Variants in PCDHA10 observed in about 807,000 individuals in gnomAD.
The protein encoded by PCDHA10 is protocadherin alpha 10.
A neutral mutation model predicts 61.2 loss-of-function variants in PCDHA10; 45 were observed. The ratio of observed to expected loss-of-function variants is 0.74; its 90% CI spans 0.58 to 0.94. The LOEUF (loss-of-function observed/expected upper bound fraction) is 0.94. Ranked by LOEUF, PCDHA10 falls within the 40% of genes least tolerant of loss-of-function variation. PCDHA10 has a pLI of 0.00. For missense variants in PCDHA10, 1,278 were observed against 1,236.2 expected, an observed-to-expected ratio of 1.03 and a Z score of -0.51; for synonymous variants, 602 against 548.8, an observed-to-expected ratio of 1.10 and a Z score of -1.35.
chr5:140,966,900 G>T, intron 1 of PCDHA10: 1 of 1,598,802 alleles, frequency 6.3e-7, no homozygotes, highest in Non-Finnish European at 8.5e-7. Context: ...TCCCAGCTGC[G>T]ATACTCTGTG....
chr5:140,959,061 A>G (rs1434123552), intron 1 of PCDHA10, among the ~76,000 whole-genome samples: 2 of 152,126 alleles, frequency 1.3e-5, no homozygotes, highest in Non-Finnish European at 2.9e-5. Flanking sequence ...AATGCAGTAT[A>G]TATAGAATTC....
At chr5:140,925,131 T>A (rs986113292) in intron 1 of PCDHA10, among the ~76,000 whole-genome samples, 5 of 150,904 alleles carry the variant, frequency 3.3e-5, no homozygotes, top group East Asian at 1.9e-4. Context: ...GGAAAAAAAA[T>A]TTCAAACATA....
intron 3 of PCDHA10, among the ~76,000 whole-genome samples, chr5:140,989,839 A>G (rs2097362613): frequency 6.6e-6 from 1 of 152,166 alleles, no homozygotes; most frequent in Admixed American, 6.5e-5. Context: ...CCTGTCAATG[A>G]GTGTGTGGAC....
intron 1 of PCDHA10, among the ~76,000 whole-genome samples, chr5:140,934,289 T>C (rs1584800076): frequency 6.6e-6 from 1 of 152,138 alleles, no homozygotes; most frequent in East Asian, 1.9e-4. Flanking sequence ...AGGGCATTCT[T>C]ACTGGTATTT....
At chr5:140,888,161 C>G (rs1272451290) in intron 1 of PCDHA10, among the ~76,000 whole-genome samples, 1 of 152,160 alleles carries the variant, frequency 6.6e-6, no homozygotes, top group Non-Finnish European at 1.5e-5. Context: ...CTGGTAATCT[C>G]TAATAAGATG....
Position 140,885,608 on chromosome 5 carries a change from A to T in PCDHA10, c.2388+27172A>T, listed in dbSNP as rs1163790004. Among the ~76,000 whole-genome samples the T allele has an allele frequency of 2.0e-5, 3 of 152,192 alleles. No homozygotes were observed. In the East Asian group the frequency reaches 5.8e-4, roughly 29 times the overall value. On this transcript the variant is annotated intron_variant, in intron 1 of 3. Coordinates refer to ENST00000307360, the MANE Select transcript of PCDHA10 (RefSeq NM_018901.4). ...TGCATCAAAGATATTAATAATTTTA[A>T]TTATAAAATATGTCACTGGATTGCC...
intron 3 of PCDHA10, among the ~76,000 whole-genome samples, chr5:140,983,526 A>C (rs1421450953): frequency 6.6e-6 from 1 of 152,230 alleles, no homozygotes; most frequent in African/African-American, 2.4e-5. Context: ...TGCCAAGTAC[A>C]TTGTATGTGT....
Position 141,011,328 on chromosome 5 carries a change from A to G in PCDHA10, c.*1391A>G, listed in dbSNP as rs1554263430. 2 of 153,726 alleles carry G rather than the reference A, an allele frequency of 1.3e-5. No homozygotes were observed. Among genetic ancestry groups the G allele is most frequent in the Admixed American group, 1.3e-4 (2 of 15,268 alleles). 9.5% of individuals were successfully genotyped at this position (153,726 alleles called of 1,614,324 possible). On this transcript the variant is annotated 3_prime_UTR_variant, in exon 4 of 4. Transcript: ENST00000307360. Reference sequence around the variant, plus strand: ...ATTGCTAATCTTACTAACACCTATGATGTTACCTGAAATCAATCTCCCATA... The same window carrying G: ...ATTGCTAATCTTACTAACACCTATGGTGTTACCTGAAATCAATCTCCCATA...
intron 1 of PCDHA10, among the ~76,000 whole-genome samples, chr5:140,881,754 A>G (rs1554172477): frequency 6.6e-6 from 1 of 152,212 alleles, no homozygotes; most frequent in African/African-American, 2.4e-5. Context: ...CAGTACCACA[A>G]AAACCTACAT....
intron 3 of PCDHA10, among the ~76,000 whole-genome samples, chr5:141,002,328 C>T (rs1421788305): frequency 3.3e-5 from 5 of 152,250 alleles, no homozygotes; most frequent in Admixed American, 6.5e-5. Flanking sequence ...GGCCGGGCTG[C>T]ATCCGCACCC....
chr5:140,883,356 C>A, intron 1 of PCDHA10: 1 of 1,614,190 alleles, frequency 6.2e-7, no homozygotes, highest in Non-Finnish European at 8.5e-7. Flanking sequence ...AGAGAAGACA[C>A]TCAGCCTAGC....
chr5:140,884,556 GC>G, intron 1 of PCDHA10: 2 of 1,614,154 alleles, frequency 1.2e-6, no homozygotes, highest in Non-Finnish European at 1.7e-6. Flanking sequence ...TCTGGGGAGG[GC>G]CCGCATAAGA....
chr5:140,919,981 T>TA (rs869118855), intron 1 of PCDHA10, among the ~76,000 whole-genome samples: 2 of 133,388 alleles, frequency 1.5e-5, no homozygotes, highest in Admixed American at 7.6e-5. Flanking sequence ...AGATAGAAGA[T>TA]GGAAAACAGA....
chr5:140,930,567 C>T (rs1192022171), intron 1 of PCDHA10: 11 of 152,480 alleles, frequency 7.2e-5, no homozygotes, highest in African/African-American at 2.2e-4. Context: ...TGAAGCAATT[C>T]TACGGTATTA....
chr5:140,929,413 A>G, intron 1 of PCDHA10: 1 of 1,505,438 alleles, frequency 6.6e-7, no homozygotes, highest in Non-Finnish European at 8.9e-7. Context: ...AGCCTTTCAC[A>G]ACATTTCATC....
chr5:140,895,561 T>C (rs1011627715), intron 1 of PCDHA10, among the ~76,000 whole-genome samples: 2 of 152,240 alleles, frequency 1.3e-5, no homozygotes, highest in Non-Finnish European at 2.9e-5. Flanking sequence ...TCTTTATATA[T>C]TCTAGATGCA....
rs564411271 is a variant in PCDHA10, at chr5:140,916,111, G to A, written c.2388+57675G>A. 1.9e-3 allele frequency among the ~76,000 whole-genome samples: 289 copies of A among 152,268 alleles called. 1 individual carries two copies. The highest frequency in any genetic ancestry group is 6.6e-3 in the African/African-American group (274 of 41,540). ...ACAGGGAATCTGCCTGGCCACTGCT[G>A]ATGTTCACTTAAAGCTTAAGGGCTG... On this transcript the variant is annotated intron_variant, in intron 1 of 3. Coordinates refer to ENST00000307360, the MANE Select transcript of PCDHA10 (RefSeq NM_018901.4).
intron 1 of PCDHA10, chr5:140,876,422 A>G: frequency 1.2e-6 from 2 of 1,613,978 alleles, no homozygotes; most frequent in Non-Finnish European, 1.7e-6. Context: ...AATGCCTATG[A>G]AATTCAGGTT....
chr5:140,918,703 A>G (rs2153549940), intron 1 of PCDHA10, among the ~76,000 whole-genome samples: 1 of 152,306 alleles, frequency 6.6e-6, no homozygotes, highest in Non-Finnish European at 1.5e-5. Context: ...TTAAGTCATG[A>G]GGGCAGAGCC....
Sources: gnomAD v4.1 joint callset for allele counts (sites outside exome capture counted in the v4.1 genomes callset) on GRCh38, gnomAD v4.1.1 for gene constraint, MANE v1.5 for transcripts, NCBI Gene and HGNC (gene_info 2026-07-23, HGNC 2026-07-21) for gene names.